SIL1: variants seen among roughly 807,000 people sequenced by gnomAD.
SIL1 encodes SIL1 nucleotide exchange factor, also known as nucleotide exchange factor SIL1.
SIL1 carries 40 observed loss-of-function variants against 49.1 expected under a neutral mutation model. The observed-to-expected ratio is 0.81, with a 90% CI of 0.63 to 1.06. The LOEUF (loss-of-function observed/expected upper bound fraction) is 1.06, where lower values mean the gene tolerates loss of function less well. SIL1 is among the 50% of genes least tolerant of loss of function. The pLI is 0.00. For synonymous variants in SIL1, 253 were observed against 250.8 expected (o/e 1.01, Z -0.08); for missense variants, 500 against 572.6 (o/e 0.87, Z 1.29).
At chr5:138,995,521 A>G (rs1297884657) in intron 7 of SIL1, among the ~76,000 whole-genome samples, 2 of 152,198 alleles carry the variant, frequency 1.3e-5, no homozygotes, top group South Asian at 2.1e-4. Context: ...GATTACAGGC[A>G]TGAGCCACCA....
chr5:139,174,160 A>T (rs1251891377), intron 1 of SIL1, among the ~76,000 whole-genome samples: 2 of 152,188 alleles, frequency 1.3e-5, no homozygotes, highest in African/African-American at 4.8e-5. Context: ...AAAGGTGGTT[A>T]TGCAAAAAAG....
intron 1 of SIL1, among the ~76,000 whole-genome samples, chr5:139,166,818 GT>G (rs369543713): frequency 6.6e-6 from 1 of 150,732 alleles, no homozygotes; most frequent in Non-Finnish European, 1.5e-5. Flanking sequence ...CAATGTTTTT[GT>G]TTTTTTTGAG....
At chr5:139,161,892 A>G (rs140874715) in intron 1 of SIL1, among the ~76,000 whole-genome samples, 11 of 152,198 alleles carry the variant, frequency 7.2e-5, no homozygotes, top group Non-Finnish European at 1.2e-4. Context: ...ACGCTCCCGT[A>G]GTCCCCACTA....
At chr5:139,075,496 G>A (rs1769929080) in intron 3 of SIL1, among the ~76,000 whole-genome samples, 1 of 151,978 alleles carries the variant, frequency 6.6e-6, no homozygotes, top group Non-Finnish European at 1.5e-5. Flanking sequence ...TACTAACTAT[G>A]CAAAACTGAA....
intron 1 of SIL1, among the ~76,000 whole-genome samples, chr5:139,184,858 G>T (rs1752051150): frequency 6.6e-6 from 1 of 152,180 alleles, no homozygotes; most frequent in African/African-American, 2.4e-5. Flanking sequence ...CATCTGAGAG[G>T]CAGTCTACAG....
At chr5:139,037,432 G>A (rs917893051) in intron 5 of SIL1, among the ~76,000 whole-genome samples, 1 of 151,990 alleles carries the variant, frequency 6.6e-6, no homozygotes, top group Non-Finnish European at 1.5e-5. Flanking sequence ...TTATTTTCTA[G>A]CCCCATATTC....
chr5:139,074,911 G>A (rs560035212), intron 3 of SIL1, among the ~76,000 whole-genome samples: 5 of 151,978 alleles, frequency 3.3e-5, no homozygotes, highest in Non-Finnish European at 7.4e-5. Context: ...CTGCACCTCC[G>A]CCTCCCGGAT....
intron 7 of SIL1, among the ~76,000 whole-genome samples, chr5:138,956,467 G>T (rs1766904279): frequency 6.6e-6 from 1 of 152,212 alleles, no homozygotes; most frequent in African/African-American, 2.4e-5. Flanking sequence ...CAATTGGCTG[G>T]GCGCAGTGGC....
intron 7 of SIL1, among the ~76,000 whole-genome samples, chr5:138,981,644 G>A (rs546838139): frequency 6.6e-6 from 1 of 152,340 alleles, no homozygotes; most frequent in South Asian, 2.1e-4. Flanking sequence ...GGCAAGGAGT[G>A]AAGCTCAGTA....
intron 1 of SIL1, among the ~76,000 whole-genome samples, chr5:139,169,773 G>A (rs1314762417): frequency 2.0e-5 from 3 of 150,718 alleles, no homozygotes; most frequent in East Asian, 2.0e-4. Flanking sequence ...GAGCCACCAC[G>A]CCCGGCCCAA....
chr5:138,962,623 T>G (rs1392072179), intron 7 of SIL1, among the ~76,000 whole-genome samples: 2 of 152,198 alleles, frequency 1.3e-5, no homozygotes, highest in African/African-American at 4.8e-5. Flanking sequence ...TTAACAAAAA[T>G]TATTATTTTT....
chr5:138,954,012 T>G (rs896315476), intron 7 of SIL1, among the ~76,000 whole-genome samples: 1 of 152,176 alleles, frequency 6.6e-6, no homozygotes. Flanking sequence ...CACCCAGGGC[T>G]GGGCAACCAA....
At chr5:139,179,161 G>A (rs537397810) in intron 1 of SIL1, among the ~76,000 whole-genome samples, 1 of 152,282 alleles carries the variant, frequency 6.6e-6, no homozygotes, top group East Asian at 1.9e-4. Flanking sequence ...TCCCAGCACA[G>A]GCCCAGGCAG....
chr5:139,055,982 G>A (rs907719373), intron 3 of SIL1, among the ~76,000 whole-genome samples: 3 of 151,956 alleles, frequency 2.0e-5, no homozygotes, highest in Admixed American at 2.0e-4. Flanking sequence ...GCTCAATGGT[G>A]CCCAGGCTGG....
chr5:139,020,641 C>T lies in SIL1; in HGVS notation c.767+530G>A, dbSNP rs557666256. ...GGCATCTACTCTTTCGAGATGCTAC[C>T]TCCCCACTCCTCTTGCCTTATCAGT... On this transcript the variant is annotated intron_variant, in intron 7 of 9. Transcript: ENST00000394817. Among the ~76,000 whole-genome samples the T allele has an allele frequency of 3.3e-5, 5 of 152,290 alleles. No individual in the cohort carries two copies. The East Asian group carries it at 9.6e-4, about 29-fold the overall frequency.
At chr5:139,196,683 G>A (rs1298776135) in intron 1 of SIL1, among the ~76,000 whole-genome samples, 1 of 152,144 alleles carries the variant, frequency 6.6e-6, no homozygotes. Flanking sequence ...AACAGCACAT[G>A]TATTCATGAG....
intron 3 of SIL1, among the ~76,000 whole-genome samples, chr5:139,078,688 C>T (rs146477994): frequency 1.3e-5 from 2 of 152,342 alleles, no homozygotes; most frequent in East Asian, 1.9e-4. Context: ...ATGCCAGGCA[C>T]GAGGCAGAGA....
intron 1 of SIL1, among the ~76,000 whole-genome samples, chr5:139,195,652 G>C (rs1271301996): frequency 6.6e-6 from 1 of 152,210 alleles, no homozygotes. Context: ...CTCCCAAAGT[G>C]CTGGGATTAC....
intron 7 of SIL1, among the ~76,000 whole-genome samples, chr5:138,953,679 G>A (rs1766836658): frequency 8.0e-6 from 1 of 124,922 alleles, no homozygotes; most frequent in East Asian, 2.0e-4. Flanking sequence ...GAGCTGAGCT[G>A]CTCCCCTGCC....
Sources: gnomAD v4.1 joint callset for allele counts (sites outside exome capture counted in the v4.1 genomes callset) on GRCh38, gnomAD v4.1.1 for gene constraint, MANE v1.5 for transcripts, NCBI Gene and HGNC (gene_info 2026-07-23, HGNC 2026-07-21) for gene names.